Variants in PLEKHM1 observed in about 807,000 individuals in gnomAD.
PLEKHM1 encodes pleckstrin homology domain-containing family M member 1.
In PLEKHM1, 28 loss-of-function variants were observed where a neutral mutation model predicts 94.3. That is an observed-to-expected ratio of 0.30 (90% confidence interval 0.22 to 0.41). PLEKHM1 has a LOEUF of 0.41. PLEKHM1 is among the 10% of genes least tolerant of loss of function. The probability of loss-of-function intolerance (pLI) is 1.00; values close to 1 mark genes in which losing one functional copy is unlikely to be tolerated. For missense variants in PLEKHM1, 907 were observed against 1,358.6 expected (o/e 0.67, Z 5.22); for synonymous variants, 424 against 581.2 (o/e 0.73, Z 3.89).
chr17:45,462,987 CACAAG>C (rs1385352581), intron 5 of PLEKHM1, among the ~76,000 whole-genome samples: 1 of 149,500 alleles, frequency 6.7e-6, no homozygotes, highest in African/African-American at 2.5e-5. Context: ...GAGGCTGAGG[CACAAG>C]AATTGCTTGA....
Position 45,478,048 on chromosome 17 carries a change from T to C in PLEKHM1, c.148A>G (p.Met50Val). 1.2e-6 allele frequency: 2 copies of C among 1,614,208 alleles called. No individual in the cohort carries two copies. Among genetic ancestry groups the C allele is most frequent in the East Asian group, 2.2e-5 (1 of 44,880 alleles). The change falls in exon 3 of 12, where the codon ATG becomes GTG. Residue 50 changes from methionine to valine, a missense_variant. By Grantham distance (21) the Met-to-Val change is conservative. This residue lies in a region of PLEKHM1 where 176 missense variants were observed against 306.0 expected (regional missense o/e 0.58). Coordinates refer to ENST00000430334, the MANE Select transcript of PLEKHM1 (RefSeq NM_014798.3). ...VTSEDGDANT[M>V]CSALEAVFIH... ...AATACGGCCTCCAGGGCGCTGCACA[T>C]GGTGTTGGCATCTCCGTCTTCACTA...
rs1303762814 is a variant in PLEKHM1, at chr17:45,439,790, G to T, written c.2902-156C>A. On this transcript the variant is annotated intron_variant, in intron 10 of 11. Transcript: ENST00000430334. ...CCCCGTTTCCACACGGGCAAGAAAAGAAAACCTCCCTGAATCAGGCTGAGC... is the reference window on the plus strand; with the variant it reads ...CCCCGTTTCCACACGGGCAAGAAAATAAAACCTCCCTGAATCAGGCTGAGC... 4.1e-6 allele frequency: 4 copies of T among 969,948 alleles called. No homozygotes were observed. The African/African-American group carries it at 4.8e-5, about 12-fold the overall frequency. The allele number at this position is 969,948 out of a possible 1,614,324, so 60.1% of individuals were successfully genotyped here. A position where few individuals can be genotyped will look rare whatever the true frequency, so the allele number is the denominator to read the frequency against.
At chr17:45,464,654 G>A (rs939844580) in intron 5 of PLEKHM1, among the ~76,000 whole-genome samples, 4 of 151,990 alleles carry the variant, frequency 2.6e-5, no homozygotes, top group Admixed American at 2.6e-4. Context: ...GGCAGGATCC[G>A]AGATTCTCAC....
chr17:45,479,450 G>A (rs1182383385), intron 2 of PLEKHM1, among the ~76,000 whole-genome samples: 2 of 151,426 alleles, frequency 1.3e-5, no homozygotes, highest in African/African-American at 2.4e-5. Flanking sequence ...CTCAGGAGGC[G>A]GAGTTTCCAG....
At chr17:45,473,423 T>C (rs899244182) in intron 4 of PLEKHM1, among the ~76,000 whole-genome samples, 2 of 152,050 alleles carry the variant, frequency 1.3e-5, no homozygotes, top group African/African-American at 4.8e-5. Context: ...GACCCCCGTC[T>C]CTATAAAAAA....
intron 4 of PLEKHM1, among the ~76,000 whole-genome samples, chr17:45,470,976 T>C (rs904324316): frequency 6.6e-6 from 1 of 151,818 alleles, no homozygotes; most frequent in Non-Finnish European, 1.5e-5. Context: ...AAAACGTTTG[T>C]GTTTTAAAGG....
rs2050592281 is a variant in PLEKHM1 at position 45,445,896 on chromosome 17, T to C, written c.2644-233A>G. On this transcript the variant is annotated intron_variant, in intron 8 of 11. Coordinates refer to ENST00000430334, the MANE Select transcript of PLEKHM1 (RefSeq NM_014798.3). The surrounding 1 kb of genome is among the most constrained non-coding windows in gnomAD (Gnocchi z 4.2). Reference sequence around the variant, plus strand: ...ACTCCCAAACCCGCTCTCCCTCTAATGACAAGGGTCACTGCCCCCTCCCCA... The same window carrying C: ...ACTCCCAAACCCGCTCTCCCTCTAACGACAAGGGTCACTGCCCCCTCCCCA... Among the ~76,000 whole-genome samples the C allele has an allele frequency of 6.6e-6, 1 of 152,220 alleles. No individual in the cohort carries two copies. The highest frequency in any genetic ancestry group is 6.5e-5 in the Admixed American group (1 of 15,288).
At chr17:45,488,266 T>C (rs2052191004) in intron 1 of PLEKHM1, among the ~76,000 whole-genome samples, 1 of 152,210 alleles carries the variant, frequency 6.6e-6, no homozygotes. Flanking sequence ...CAGAGGATTC[T>C]AACAAGGACC....
chr17:45,443,289 C>T (rs554918197), intron 9 of PLEKHM1, among the ~76,000 whole-genome samples: 2 of 151,794 alleles, frequency 1.3e-5, no homozygotes, highest in Admixed American at 1.3e-4. Flanking sequence ...GTGGCCCAGA[C>T]TCTGGGTCCC....
intron 1 of PLEKHM1, among the ~76,000 whole-genome samples, chr17:45,485,325 C>T (rs1489550061): frequency 6.6e-6 from 1 of 152,112 alleles, no homozygotes; most frequent in Non-Finnish European, 1.5e-5. Context: ...TCTCTGGCTC[C>T]GAAACCCTGG....
At chr17:45,439,954 A>C in intron 10 of PLEKHM1, 2 of 639,732 alleles carry the variant, frequency 3.1e-6, no homozygotes, top group South Asian at 1.8e-5. Context: ...GGGTTGCTGG[A>C]GTGCTTGTTT....
rs1173386405 is a variant in PLEKHM1, at chr17:45,436,353, A to C, written c.*1505T>G. 4.4e-6 allele frequency: 2 copies of C among 454,116 alleles called. No individual in the cohort carries two copies. The highest frequency in any genetic ancestry group is 2.0e-5 in the African/African-American group (1 of 50,116). 28.1% of individuals were successfully genotyped at this position (454,116 alleles called of 1,614,324 possible). A position where few individuals can be genotyped will look rare whatever the true frequency, so the allele number is the denominator to read the frequency against. On this transcript the variant is annotated 3_prime_UTR_variant, in exon 12 of 12. Coordinates refer to ENST00000430334, the MANE Select transcript of PLEKHM1 (RefSeq NM_014798.3). ...CACAGGTGTGTGCCATGACCGGGAG[A>C]AGCTGTGCGCAGCCTCCACCTGCCT...
intron 9 of PLEKHM1, chr17:45,441,193 A>C (rs537966184): frequency 1.3e-5 from 2 of 152,238 alleles, no homozygotes; most frequent in South Asian, 4.1e-4. Flanking sequence ...AAGTCAGAGG[A>C]TGCTTGGGAA....
chr17:45,436,614 TC>T lies in PLEKHM1; in HGVS notation c.*1243del. The T allele has an allele frequency of 2.2e-6, 1 of 453,894 alleles. No individual in the cohort carries two copies. Among genetic ancestry groups the T allele is most frequent in the Non-Finnish European group, 4.4e-6 (1 of 226,618 alleles). The allele number at this position is 453,894 out of a possible 1,614,324, so 28.1% of individuals were successfully genotyped here. A position where few individuals can be genotyped will look rare whatever the true frequency, so the allele number is the denominator to read the frequency against. ...ACAGAGAGACCAGCAAACCCACATT[TC>T]CCCGAAGCCTGGAGGGTCTGACCAT... On this transcript the variant is annotated 3_prime_UTR_variant, in exon 12 of 12. Coordinates refer to ENST00000430334, the MANE Select transcript of PLEKHM1 (RefSeq NM_014798.3).
intron 6 of PLEKHM1, among the ~76,000 whole-genome samples, chr17:45,455,469 A>G (rs2050918831): frequency 6.6e-6 from 1 of 151,680 alleles, no homozygotes; most frequent in East Asian, 1.9e-4. Context: ...TGAAATCCAC[A>G]TTCATATATC....
At chr17:45,449,478 C>A (rs1395515583) in intron 8 of PLEKHM1, among the ~76,000 whole-genome samples, 1 of 152,098 alleles carries the variant, frequency 6.6e-6, no homozygotes, top group African/African-American at 2.4e-5. Flanking sequence ...ATCCACCTAC[C>A]CACCAAGCCA....
In PLEKHM1 at chr17:45,458,368, T is replaced by C; in HGVS notation, c.1380A>G (p.Ser460=). 6.2e-7 allele frequency: 1 copy of C among 1,613,958 alleles called. No individual in the cohort carries two copies. The highest frequency in any genetic ancestry group is 8.5e-7 in the Non-Finnish European group (1 of 1,179,782). The change falls in exon 6 of 12, where the codon TCA becomes TCG. Residue 460 remains serine (S), a synonymous_variant. Coordinates refer to ENST00000430334, the MANE Select transcript of PLEKHM1 (RefSeq NM_014798.3). ...PSREQPLESA[S]DHPIASYRGT... ...CCCTGTAAGAAGCTATTGGGTGGTC[T>C]GAAGCACTCTCCAGGGGTTGCTCCC...
At position 45,436,860 on chromosome 17, in the gene PLEKHM1, G is replaced by A. The variant is rs765236672; in HGVS notation, c.*998C>T. On this transcript the variant is annotated 3_prime_UTR_variant, in exon 12 of 12. Coordinates refer to ENST00000430334, the MANE Select transcript of PLEKHM1 (RefSeq NM_014798.3). ...AGGTCACTTCTCCACAGTGCAGGGC[G>A]TGGCTGCCTGCCCTCTCTGGGGTCC... The A allele has an allele frequency of 1.3e-4, 59 of 453,822 alleles. No individual in the cohort carries two copies. Among genetic ancestry groups the A allele is most frequent in the Non-Finnish European group, 2.4e-4 (54 of 226,472 alleles). The allele number at this position is 453,822 out of a possible 1,614,324, so 28.1% of individuals were successfully genotyped here.
At chr17:45,471,074 A>G (rs1291015552) in intron 4 of PLEKHM1, among the ~76,000 whole-genome samples, 5 of 152,212 alleles carry the variant, frequency 3.3e-5, no homozygotes, top group Admixed American at 3.3e-4. Context: ...CAGAATATAT[A>G]CAGAACACTT....
Sources: allele counts gnomAD v4.1 joint callset (sites outside exome capture counted in the v4.1 genomes callset), GRCh38; gene constraint gnomAD v4.1.1; regional missense constraint gnomAD v4.1.1; non-coding constraint Gnocchi (gnomAD v3.1); transcripts MANE v1.5; gene names NCBI Gene and HGNC (gene_info 2026-07-23, HGNC 2026-07-21).